The following DSG1 variants were observed in gnomAD, a reference collection of about 807,000 sequenced individuals.
DSG1 encodes desmoglein 1.
DSG1 carries 39 observed loss-of-function variants against 97.5 expected under a neutral mutation model. The ratio of observed to expected loss-of-function variants is 0.40; its 90% confidence interval spans 0.31 to 0.52. The LOEUF is 0.52. Ranked by LOEUF, DSG1 falls within the 20% of genes least tolerant of loss-of-function variation. The probability of loss-of-function intolerance (pLI) is 0.53; values close to 1 mark genes in which losing one functional copy is unlikely to be tolerated. For synonymous variants in DSG1, 475 were observed against 443.4 expected, an observed-to-expected ratio of 1.07 and a Z score of -0.90; for missense variants, 1,311 against 1,295.4, an observed-to-expected ratio of 1.01 and a Z score of -0.18.
chr18:31,349,197 T>C (rs1168304679), intron 14 of DSG1, among the ~76,000 whole-genome samples: 12 of 139,378 alleles, frequency 8.6e-5, no homozygotes, highest in Admixed American at 2.2e-4. Flanking sequence ...TAGCCAGTTT[T>C]CCCAGCACCA....
chr18:31,358,772 A>T lies in DSG1; in HGVS notation c.*3426A>T, dbSNP rs937388728. ...TTCATAAATTCCAACTTTTTTTTTT[A>T]CAATTTCTGGATTTTTAAGACCCAT... On this transcript the variant is annotated 3_prime_UTR_variant, in exon 15 of 15. Coordinates refer to ENST00000257192, the MANE Select transcript of DSG1 (RefSeq NM_001942.4). Among the ~76,000 whole-genome samples, 2 of 151,408 alleles carry T rather than the reference A, an allele frequency of 1.3e-5. No homozygotes were observed. Among genetic ancestry groups the T allele is most frequent in the Non-Finnish European group, 3.0e-5 (2 of 67,756 alleles).
intron 8 of DSG1, among the ~76,000 whole-genome samples, chr18:31,334,525 A>C (rs2071740089): frequency 6.6e-6 from 1 of 152,186 alleles, no homozygotes. Flanking sequence ...ATGTCTTAAG[A>C]ACTTTTTAAA....
At chr18:31,348,492 G>A (rs1310859382) in intron 14 of DSG1, among the ~76,000 whole-genome samples, 2 of 150,738 alleles carry the variant, frequency 1.3e-5, no homozygotes, top group East Asian at 3.9e-4. Flanking sequence ...CCAGTAATAG[G>A]ATGGCTGGGT....
chr18:31,345,982 A>C lies in DSG1; in HGVS notation c.1892-8A>C, dbSNP rs1000715151. 9.3e-6 allele frequency: 15 copies of C among 1,610,514 alleles called. No individual in the cohort carries two copies. The highest frequency in any genetic ancestry group is 1.3e-5 in the Non-Finnish European group (15 of 1,177,078). On this transcript the variant is annotated splice_polypyrimidine_tract_variant and splice_region_variant and intron_variant, in intron 13 of 14. Coordinates refer to ENST00000257192, the MANE Select transcript of DSG1 (RefSeq NM_001942.4). ...AGAAAATAAATTTAATTTGATCAAC[A>C]CTTTTAGGAGTTTATACAAATGAGT...
intron 5 of DSG1, 29 bp from the exon 6 acceptor site, chr18:31,331,672 A>G: frequency 6.2e-7 from 1 of 1,607,584 alleles, no homozygotes; most frequent in East Asian, 2.2e-5. Context: ...TAAATCACCC[A>G]TTTGCAATCA....
chr18:31,353,357 C>G (rs1352853804), intron 14 of DSG1, among the ~76,000 whole-genome samples: 2 of 150,922 alleles, frequency 1.3e-5, no homozygotes, highest in Non-Finnish European at 3.0e-5. Context: ...GCTGGGAGAA[C>G]CACTGCTCTC....
In DSG1 at chr18:31,346,185, G is replaced by A. The variant is rs1452196675; in HGVS notation, c.2087G>A (p.Ser696Asn). 2.5e-6 allele frequency: 4 copies of A among 1,613,542 alleles called. No homozygotes were observed. The highest frequency in any genetic ancestry group is 3.4e-6 in the Non-Finnish European group (4 of 1,179,632). ...GGTCTGAATATGAATTTCATGGAAA[G>A]CTACTTCTGTCAGGTAAGGTCCCTA... ...EGGLNMNFME[S>N]YFCQKAYAYA... Residue 696 changes from serine (S) to asparagine (N), a missense_variant, in exon 14 of 15, where the codon AGC becomes AAC. Ser to Asn is a conservative substitution (Grantham distance 46). This residue lies in a region of DSG1 where 1,038 missense variants were observed against 964.6 expected (regional missense o/e 1.08). Coordinates refer to ENST00000257192, the MANE Select transcript of DSG1 (RefSeq NM_001942.4).
intron 14 of DSG1, among the ~76,000 whole-genome samples, chr18:31,346,848 A>G (rs79451038): frequency 1.1e-4 from 16 of 152,300 alleles, no homozygotes; most frequent in Non-Finnish European, 1.8e-4. Flanking sequence ...TTGCCAGTAC[A>G]TAGCTCAGTT....
intron 14 of DSG1, among the ~76,000 whole-genome samples, chr18:31,348,444 T>C (rs1296250541): frequency 4.0e-5 from 6 of 151,742 alleles, no homozygotes; most frequent in Non-Finnish European, 8.8e-5. Context: ...TGCATGTGTC[T>C]TTATAGCAGC....
chr18:31,327,088 A>C, intron 3 of DSG1, 83 bp downstream of exon 3: 2 of 1,543,284 alleles, frequency 1.3e-6, no homozygotes, highest in Non-Finnish European at 1.8e-6. Context: ...TATTTCATGA[A>C]CATGTCTCAC....
Position 31,326,442 on chromosome 18 carries a change from C to A in DSG1, c.49-139C>A. On this transcript the variant is annotated intron_variant, in intron 1 of 14. Transcript: ENST00000257192. The stretch of plus-strand genomic sequence containing the variant: ...TCAGACCCAAGACATAAACCAAATC[C>A]ACCTGCTATTTGGCTGATAAAATAA... The A allele has an allele frequency of 8.9e-6, 6 of 674,846 alleles. No individual in the cohort carries two copies. The East Asian group carries it at 1.7e-4, about 19-fold the overall frequency. 41.8% of individuals were successfully genotyped at this position (674,846 alleles called of 1,614,324 possible). A position where few individuals can be genotyped will look rare whatever the true frequency, so the allele number is the denominator to read the frequency against.
In DSG1 at chr18:31,345,988, A is replaced by T; in HGVS notation, c.1892-2A>T. 1 of 1,611,800 alleles carries T rather than the reference A, an allele frequency of 6.2e-7. No individual in the cohort carries two copies. The highest frequency in any genetic ancestry group is 8.5e-7 in the Non-Finnish European group (1 of 1,178,052). ...TAAATTTAATTTGATCAACACTTTT[A>T]GGAGTTTATACAAATGAGTATGGTG... On this transcript the variant is annotated splice_acceptor_variant, in intron 13 of 14. Coordinates refer to ENST00000257192, the MANE Select transcript of DSG1 (RefSeq NM_001942.4). LOFTEE classifies it high-confidence loss of function.
At chr18:31,339,619 G>C in intron 10 of DSG1, 125 bp from the exon 11 acceptor site, 1 of 651,580 alleles carries the variant, frequency 1.5e-6, no homozygotes, top group Non-Finnish European at 2.5e-6. Context: ...TGATTTTCAA[G>C]TTAGGAGAAA....
intron 4 of DSG1, 44 bp downstream of exon 4, chr18:31,328,388 T>C (rs1322876808): frequency 1.3e-6 from 2 of 1,562,374 alleles, no homozygotes; most frequent in African/African-American, 1.4e-5. Flanking sequence ...GCTTAAATTC[T>C]TCTCAGAAGT....
rs781129678 is a variant in DSG1, at chr18:31,318,272, G to C, written c.-29G>C. On this transcript the variant is annotated 5_prime_UTR_variant, in exon 1 of 15. Transcript: ENST00000257192. ...AGAGAAGAACAAACAAAACTCCCTT[G>C]GTCTTGGATGTAAGAGAATCCAGCA... The C allele has an allele frequency of 1.1e-5, 17 of 1,601,628 alleles. No homozygotes were observed. In the Admixed American group the frequency reaches 2.5e-4, roughly 24 times the overall value.
chr18:31,338,166 G>T, intron 9 of DSG1, 149 bp from the exon 10 acceptor site: 2 of 792,480 alleles, frequency 2.5e-6, no homozygotes, highest in Non-Finnish European at 4.0e-6. Flanking sequence ...ATATTGCTAA[G>T]ACTGCCCTGA....
At chr18:31,328,837 C>A (rs2071703123) in intron 4 of DSG1, among the ~76,000 whole-genome samples, 1 of 152,128 alleles carries the variant, frequency 6.6e-6, no homozygotes, top group South Asian at 2.1e-4. Flanking sequence ...ACTATAAATT[C>A]ATATTCCTCA....
At chr18:31,342,934 C>G (rs186694808) in intron 11 of DSG1, among the ~76,000 whole-genome samples, 4 of 142,210 alleles carry the variant, frequency 2.8e-5, no homozygotes, top group Non-Finnish European at 6.0e-5. Flanking sequence ...GGGTCTCACT[C>G]TGTCACTCAG....
intron 11 of DSG1, among the ~76,000 whole-genome samples, chr18:31,340,623 A>G (rs1281132515): frequency 6.6e-6 from 1 of 152,110 alleles, no homozygotes; most frequent in Non-Finnish European, 1.5e-5. Flanking sequence ...TAAAAGATGA[A>G]TAAGAATTAG....
Sources: gnomAD v4.1 joint callset for allele counts (sites outside exome capture counted in the v4.1 genomes callset) on GRCh38, gnomAD v4.1.1 for gene constraint, gnomAD v4.1.1 regional missense constraint, MANE v1.5 for transcripts, NCBI Gene and HGNC (gene_info 2026-07-23, HGNC 2026-07-21) for gene names.